PUDP: variants seen among roughly 807,000 people sequenced by gnomAD.
The protein encoded by PUDP is pseudouridine-5'-phosphatase.
A neutral mutation model predicts 9.4 loss-of-function variants in PUDP; 8 were observed. The ratio of observed to expected loss-of-function variants is 0.85; its 90% confidence interval spans 0.50 to 1.53. The LOEUF is 1.53. Among genes scored for constraint, PUDP ranks in the 40% most tolerant of loss-of-function variants. PUDP has a pLI of 0.00. For synonymous variants in PUDP, 99 were observed against 80.7 expected (o/e 1.23, Z -1.22); for missense variants, 188 against 189.7 (o/e 0.99, Z 0.05).
chrX:6,766,378 G>C (rs1215207059), intron 3 of PUDP, among the ~76,000 whole-genome samples: 1 of 111,843 alleles, frequency 8.9e-6, no homozygotes, highest in African/African-American at 3.2e-5. Context: ...TTTGAGGGTT[G>C]AACCAAAAAT....
chrX:7,047,294 T>G (rs752493900), downstream of PUDP, among the ~76,000 whole-genome samples: 6 of 112,367 alleles, frequency 5.3e-5, no homozygotes, highest in Non-Finnish European at 1.1e-4. Flanking sequence ...CCCTAAGTTA[T>G]GTTCTTATTC....
intron 3 of PUDP, among the ~76,000 whole-genome samples, chrX:6,976,427 C>T (rs1204073980): frequency 1.8e-5 from 2 of 111,502 alleles, no homozygotes; most frequent in East Asian, 5.7e-4. Flanking sequence ...TGGCACAGTC[C>T]CTCACAGCTT....
intron 1 of PUDP, among the ~76,000 whole-genome samples, chrX:6,979,008 T>C (rs1393576074): frequency 8.9e-6 from 1 of 111,954 alleles, no homozygotes; most frequent in Non-Finnish European, 1.9e-5. Flanking sequence ...GGATAAAACA[T>C]TTTTGGGCAA....
intron 3 of PUDP, among the ~76,000 whole-genome samples, chrX:6,851,552 C>A (rs1423673959): frequency 3.6e-5 from 4 of 111,275 alleles, no homozygotes; most frequent in African/African-American, 1.3e-4. Flanking sequence ...ATACAATAAA[C>A]CTTATTAATT....
At chrX:6,921,910 C>G (rs1177293388) in intron 3 of PUDP, among the ~76,000 whole-genome samples, 1 of 111,601 alleles carries the variant, frequency 9.0e-6, no homozygotes, top group Non-Finnish European at 1.9e-5. Context: ...GCTCATCTGT[C>G]AAACCAAACA....
At chrX:7,021,726 T>G (rs1032535778) in intron 1 of PUDP, among the ~76,000 whole-genome samples, 6 of 111,832 alleles carry the variant, frequency 5.4e-5, no homozygotes, top group African/African-American at 2.0e-4. Context: ...GTGTTGAGGA[T>G]GGAACCAGCA....
At chrX:6,796,799 A>C (rs1386116493) in intron 3 of PUDP, among the ~76,000 whole-genome samples, 1 of 111,838 alleles carries the variant, frequency 8.9e-6, no homozygotes, top group Non-Finnish European at 1.9e-5. Flanking sequence ...TCACTTGATC[A>C]TTTTTTAACA....
chrX:6,760,045 G>GT (rs1471085055), intron 3 of PUDP, among the ~76,000 whole-genome samples: 1 of 110,881 alleles, frequency 9.0e-6, no homozygotes, highest in African/African-American at 3.3e-5. Context: ...ATTTATTTAG[G>GT]TTTTTTTTCT....
intron 3 of PUDP, among the ~76,000 whole-genome samples, chrX:6,904,207 C>G (rs1475409134): frequency 1.8e-5 from 2 of 110,735 alleles, no homozygotes; most frequent in African/African-American, 6.6e-5. Context: ...CCGCCTCAGC[C>G]TCCCAAAGTG....
chrX:6,809,542 CT>C (rs1362005281), intron 3 of PUDP, among the ~76,000 whole-genome samples: 1 of 110,114 alleles, frequency 9.1e-6, no homozygotes, highest in Non-Finnish European at 1.9e-5. Context: ...AGCAATCCTC[CT>C]CCCTCAGCCT....
intron 1 of PUDP, among the ~76,000 whole-genome samples, chrX:7,012,352 A>G (rs1230596275): frequency 8.9e-6 from 1 of 112,377 alleles, no homozygotes; most frequent in Non-Finnish European, 1.9e-5. Context: ...GGAAACTAAC[A>G]AGCATTTCTC....
chrX:6,911,618 C>G (rs921713975), intron 3 of PUDP, among the ~76,000 whole-genome samples: 1 of 112,192 alleles, frequency 8.9e-6, no homozygotes, highest in East Asian at 2.8e-4. Flanking sequence ...TACCATGCCT[C>G]ATGTTGAATG....
At chrX:7,102,820 T>TA (rs1931779003) in intron 2 of PUDP, among the ~76,000 whole-genome samples, 2 of 111,427 alleles carry the variant, frequency 1.8e-5, no homozygotes, top group African/African-American at 3.3e-5. Flanking sequence ...CAGAAAATTA[T>TA]AAACAATCCC....
chrX:6,745,511 A>C lies in PUDP; in HGVS notation c.*248-39045T>G, dbSNP rs1366722996. Among the ~76,000 whole-genome samples the C allele has an allele frequency of 2.7e-5, 3 of 112,294 alleles. No homozygotes were observed. The East Asian group carries it at 8.4e-4, about 31-fold the overall frequency. On this transcript the variant is annotated intron_variant and NMD_transcript_variant, in intron 3 of 3. Transcript: ENST00000655425. ...ACACCACAGAAACTCATTATTATGC[A>C]TTGTTCAAGACCAGTACTACCTCTA...
At chrX:7,068,858 T>C (rs934082448) in intron 3 of PUDP, among the ~76,000 whole-genome samples, 1 of 111,827 alleles carries the variant, frequency 8.9e-6, no homozygotes, top group African/African-American at 3.3e-5. Context: ...AGAACCTCTA[T>C]TGAGACTCCT....
At chrX:6,961,776 A>T (rs143456740) in intron 3 of PUDP, among the ~76,000 whole-genome samples, 3,404 of 111,600 alleles carry the variant, frequency 0.031, 66 homozygotes, top group African/African-American at 0.07. Context: ...AGAACTTGGG[A>T]GTCTGAGTCC....
intron 1 of PUDP, among the ~76,000 whole-genome samples, chrX:7,137,401 G>T (rs1602838125): frequency 9.1e-6 from 1 of 109,363 alleles, no homozygotes. Flanking sequence ...CAAAAAATTA[G>T]CTGGGTGTGG....
At chrX:7,073,235 C>T (rs780908012) in intron 3 of PUDP, among the ~76,000 whole-genome samples, 2 of 112,266 alleles carry the variant, frequency 1.8e-5, no homozygotes, top group Non-Finnish European at 3.8e-5. Flanking sequence ...AATAATGATA[C>T]ATGAATAACT....
intron 1 of PUDP, among the ~76,000 whole-genome samples, chrX:7,036,160 A>G (rs1307445585): frequency 2.7e-5 from 3 of 111,876 alleles, no homozygotes; most frequent in Middle Eastern, 4.6e-3. Context: ...TAAATTATCC[A>G]GCCTCAGGTA....
Sources: gnomAD v4.1 joint callset for allele counts (sites outside exome capture counted in the v4.1 genomes callset) on GRCh38, gnomAD v4.1.1 for gene constraint, MANE v1.5 for transcripts, NCBI Gene and HGNC (gene_info 2026-07-23, HGNC 2026-07-21) for gene names.